The following JAM2 variants were observed in gnomAD, a reference collection of about 807,000 sequenced individuals.
JAM2 encodes junctional adhesion molecule 2.
In JAM2, 17 loss-of-function variants were observed where a neutral mutation model predicts 42.0. That is an observed-to-expected ratio of 0.40 (90% confidence interval 0.28 to 0.61). JAM2 has a LOEUF of 0.61. Among genes scored for constraint, JAM2 ranks in the 20% least tolerant of loss-of-function variants. The pLI, the probability that JAM2 is intolerant of heterozygous loss-of-function variation, is 0.37. For synonymous variants in JAM2, 118 were observed against 128.6 expected, an observed-to-expected ratio of 0.92 and a Z score of 0.56; for missense variants, 319 against 358.3, an observed-to-expected ratio of 0.89 and a Z score of 0.89.
chr21:25,676,635 T>A (rs73161735), intron 1 of JAM2, among the ~76,000 whole-genome samples: 12,513 of 152,236 alleles, frequency 0.082, 713 homozygotes, highest in East Asian at 0.29. Flanking sequence ...TGTTCATAAC[T>A]GTTAAAGATG....
intron 4 of JAM2, among the ~76,000 whole-genome samples, chr21:25,695,024 G>C (rs1349740790): frequency 2.0e-5 from 3 of 148,742 alleles, no homozygotes; most frequent in South Asian, 2.1e-4. Flanking sequence ...GGTGTTTCTC[G>C]CAGAGGGGGA....
At chr21:25,651,061 CAAAAAAAAAAA>C (rs35308745) in intron 1 of JAM2, among the ~76,000 whole-genome samples, 1 of 71,026 alleles carries the variant, frequency 1.4e-5, no homozygotes, top group African/African-American at 5.2e-5. Context: ...CTCCCCCCGC[CAAAAAAAAAAA>C]AAAAAAAAAA....
chr21:25,662,517 G>C (rs1309248294), intron 1 of JAM2, among the ~76,000 whole-genome samples: 5 of 151,980 alleles, frequency 3.3e-5, no homozygotes, highest in Non-Finnish European at 5.9e-5. Flanking sequence ...GCAGTGACGT[G>C]ATCATAGCTC....
chr21:25,702,171 A>G lies in JAM2; in HGVS notation c.599A>G (p.Gln200Arg). 6.6e-7 allele frequency: 1 copy of G among 1,515,742 alleles called. No individual in the cohort carries two copies. Among genetic ancestry groups the G allele is most frequent in the Non-Finnish European group, 9.0e-7 (1 of 1,107,924 alleles). 93.9% of individuals were successfully genotyped at this position (1,515,742 alleles called of 1,614,324 possible). The change falls in exon 6 of 10, where the codon CAA becomes CGA. Residue 200 changes from glutamine to arginine, a missense_variant and splice_region_variant. Coordinates refer to ENST00000480456, the MANE Select transcript of JAM2 (RefSeq NM_021219.4). Reference sequence around the variant, plus strand: ...ATATATTTTTGCATCCACAAATAGCAATTTAATACTGTTTCCAAACTGGAC... The same window carrying G: ...ATATATTTTTGCATCCACAAATAGCGATTTAATACTGTTTCCAAACTGGAC... ...YTMNTKTGTL[Q>R]FNTVSKLDTG...
chr21:25,667,961 G>A (rs1280592074), intron 1 of JAM2, among the ~76,000 whole-genome samples: 1 of 152,192 alleles, frequency 6.6e-6, no homozygotes, highest in Non-Finnish European at 1.5e-5. Flanking sequence ...GTGAGCTGAA[G>A]GTGAGCTGAA....
intron 2 of JAM2, among the ~76,000 whole-genome samples, chr21:25,687,428 G>C (rs773846418): frequency 1.3e-5 from 2 of 152,196 alleles, no homozygotes; most frequent in South Asian, 4.1e-4. Flanking sequence ...ATGTTATAGC[G>C]CAATAACCCT....
Position 25,655,914 on chromosome 21 carries a change from G to GTT in JAM2, c.67+16037_67+16038dup, listed in dbSNP as rs11371745. ...TTATTTAGTCTATTTCCCACTAATA[G>GTT]TTTTTTTTTTTTAATGCCTTTTAAA... On this transcript the variant is annotated intron_variant, in intron 1 of 9. Transcript: ENST00000480456. Among the ~76,000 whole-genome samples the GTT allele has an allele frequency of 8.3e-4, 121 of 145,254 alleles. 1 individual carries two copies. Among genetic ancestry groups the GTT allele is most frequent in the African/African-American group, 1.1e-3 (45 of 40,088 alleles).
chr21:25,649,836 G>A (rs2032722324), intron 1 of JAM2, among the ~76,000 whole-genome samples: 1 of 152,146 alleles, frequency 6.6e-6, no homozygotes, highest in African/African-American at 2.4e-5. Context: ...TGGAGCCTGG[G>A]AAGTTCAACA....
chr21:25,687,466 C>A (rs942120450), intron 2 of JAM2, among the ~76,000 whole-genome samples: 11 of 152,126 alleles, frequency 7.2e-5, no homozygotes, highest in African/African-American at 2.2e-4. Context: ...ATTATGCTGG[C>A]ATAAGTACTG....
At chr21:25,703,584 T>TA (rs2034211434) in intron 6 of JAM2, among the ~76,000 whole-genome samples, 1 of 152,164 alleles carries the variant, frequency 6.6e-6, no homozygotes, top group Non-Finnish European at 1.5e-5. Context: ...AAAATTAGAA[T>TA]ATGTTAACTG....
chr21:25,661,314 T>C (rs778799131), intron 1 of JAM2, among the ~76,000 whole-genome samples: 6 of 151,686 alleles, frequency 4.0e-5, no homozygotes, highest in Non-Finnish European at 8.8e-5. Flanking sequence ...TTTAAGAAAA[T>C]TTGCTAGGCA....
intron 1 of JAM2, among the ~76,000 whole-genome samples, chr21:25,671,614 T>C (rs529178446): frequency 1.6e-4 from 24 of 152,294 alleles, no homozygotes; most frequent in African/African-American, 5.3e-4. Context: ...CAAGTGAGTC[T>C]CCTGCCTCAG....
chr21:25,682,518 C>G (rs2033658552), intron 1 of JAM2, among the ~76,000 whole-genome samples: 1 of 152,226 alleles, frequency 6.6e-6, no homozygotes, highest in South Asian at 2.1e-4. Flanking sequence ...GCTTGAATCC[C>G]TGAGGGGAGG....
chr21:25,689,065 AG>A (rs2033818909), intron 2 of JAM2, among the ~76,000 whole-genome samples: 1 of 151,730 alleles, frequency 6.6e-6, no homozygotes, highest in Non-Finnish European at 1.5e-5. Context: ...AGTGAAAAGA[AG>A]GGGGTTCCTT....
intron 9 of JAM2, among the ~76,000 whole-genome samples, chr21:25,713,079 G>A (rs147577674): frequency 4.4e-4 from 67 of 152,174 alleles, no homozygotes; most frequent in African/African-American, 1.2e-3. Flanking sequence ...TCTTTGGTAC[G>A]GGCACTAGCT....
At chr21:25,651,360 A>T (rs1287579079) in intron 1 of JAM2, among the ~76,000 whole-genome samples, 4 of 152,238 alleles carry the variant, frequency 2.6e-5, no homozygotes, top group Admixed American at 6.5e-5. Flanking sequence ...TTCTCAGTAT[A>T]ACTTAAAATG....
intron 5 of JAM2, among the ~76,000 whole-genome samples, chr21:25,700,316 C>A (rs1033215350): frequency 8.8e-5 from 13 of 147,048 alleles, no homozygotes; most frequent in African/African-American, 1.7e-4. Flanking sequence ...CAGCGATTAT[C>A]AAAAAAAAAA....
chr21:25,697,061 T>C (rs996670459), intron 4 of JAM2, among the ~76,000 whole-genome samples: 1 of 149,740 alleles, frequency 6.7e-6, no homozygotes, highest in African/African-American at 2.5e-5. Context: ...CCCAGGCTGG[T>C]CTCAAACTCC....
chr21:25,645,577 TTA>T (rs925937698), intron 1 of JAM2, among the ~76,000 whole-genome samples: 13 of 152,300 alleles, frequency 8.5e-5, no homozygotes, highest in African/African-American at 2.6e-4. Context: ...AGTACTTATT[TTA>T]TATAGTTTAT....
Sources: gnomAD v4.1 joint callset for allele counts (sites outside exome capture counted in the v4.1 genomes callset) on GRCh38, gnomAD v4.1.1 for gene constraint, MANE v1.5 for transcripts, NCBI Gene and HGNC (gene_info 2026-07-23, HGNC 2026-07-21) for gene names.